The following AUTS2 variants were observed in gnomAD, a reference collection of about 807,000 sequenced individuals.
The protein encoded by AUTS2 is activator of transcription and developmental regulator AUTS2, also known as autism susceptibility gene 2 protein.
Under a neutral mutation model 112.4 loss-of-function variants are expected in AUTS2, and 17 were observed. The observed-to-expected ratio is 0.15, with a 90% confidence interval of 0.10 to 0.23. The LOEUF is 0.23. AUTS2 is among the 10% of genes least tolerant of loss of function. The pLI is 1.00. For missense variants in AUTS2, 1,510 were observed against 1,701.6 expected (o/e 0.89, Z 1.98); for synonymous variants, 751 against 702.7 (o/e 1.07, Z -1.09).
intron 3 of AUTS2, among the ~76,000 whole-genome samples, chr7:70,130,507 G>A (rs1247061746): frequency 6.6e-6 from 1 of 152,144 alleles, no homozygotes; most frequent in East Asian, 1.9e-4. Context: ...TTGAATGTCA[G>A]CAGCAACATT....
chr7:70,265,608 G>A (rs927024455), intron 4 of AUTS2, among the ~76,000 whole-genome samples: 4 of 152,114 alleles, frequency 2.6e-5, no homozygotes, highest in Non-Finnish European at 4.4e-5. Context: ...ATCTATAGTA[G>A]GACTGTTGAG....
At chr7:69,806,197 C>CTT (rs56704400) in intron 1 of AUTS2, among the ~76,000 whole-genome samples, 1,215 of 54,992 alleles carry the variant, frequency 0.022, 62 homozygotes, top group Non-Finnish European at 0.032. Flanking sequence ...CCAGCCAAGG[C>CTT]TTTTTTTTTT....
At position 70,781,661 on chromosome 7, in the gene AUTS2, C is replaced by G; in HGVS notation, c.2051C>G (p.Pro684Arg). 6.2e-7 allele frequency: 1 copy of G among 1,614,168 alleles called. No homozygotes were observed. Among genetic ancestry groups the G allele is most frequent in the Non-Finnish European group, 8.5e-7 (1 of 1,180,022 alleles). Residue 684 changes from proline (P) to arginine (R), a missense_variant, in exon 15 of 19, where the codon CCT becomes CGT. Physicochemically the swap from Pro to Arg is moderately radical, Grantham distance 103. Around this residue, in one of 3 missense-constraint regions of AUTS2, gnomAD observed 187 missense variants for 309.7 expected, o/e 0.60. Transcript: ENST00000342771. ...CATAAGCTGGACTTTGGACTGAAACCTGAGTTCCTGAGCCGCCCTCCAGGC... is the reference window on the plus strand; with the variant it reads ...CATAAGCTGGACTTTGGACTGAAACGTGAGTTCCTGAGCCGCCCTCCAGGC... ...DPHKLDFGLK[P>R]EFLSRPPGPS...
chr7:70,607,351 T>C (rs1394791680), intron 5 of AUTS2, among the ~76,000 whole-genome samples: 3 of 152,164 alleles, frequency 2.0e-5, no homozygotes, highest in Non-Finnish European at 4.4e-5. Flanking sequence ...CAGAATCCAT[T>C]GATGGAAAGC....
Position 70,464,044 on chromosome 7 carries a change from G to C in AUTS2, c.690+28263G>C, listed in dbSNP as rs1045123014. 3.9e-5 allele frequency among the ~76,000 whole-genome samples: 6 copies of C among 152,166 alleles called. No homozygotes were observed. In the East Asian group the frequency reaches 1.2e-3, roughly 29 times the overall value. On this transcript the variant is annotated intron_variant, in intron 5 of 18. Coordinates refer to ENST00000342771, the MANE Select transcript of AUTS2 (RefSeq NM_015570.4). ...ACCAGCCTCTTCCCAAAGGATGTGG[G>C]AGCAGGCACAGGAAAGGGGGGCCTG...
chr7:69,634,751 C>T (rs748422048), intron 1 of AUTS2, among the ~76,000 whole-genome samples: 8 of 152,146 alleles, frequency 5.3e-5, no homozygotes, highest in African/African-American at 1.2e-4. Flanking sequence ...CCATTGGAGA[C>T]GCAATTTGGC....
At chr7:70,129,490 C>G (rs1806154364) in intron 3 of AUTS2, among the ~76,000 whole-genome samples, 1 of 152,108 alleles carries the variant, frequency 6.6e-6, no homozygotes, top group Non-Finnish European at 1.5e-5. Flanking sequence ...ACCCCGTGGC[C>G]CAGTGAAGTT....
chr7:70,674,837 C>T (rs1289570431), intron 5 of AUTS2, among the ~76,000 whole-genome samples: 1 of 152,188 alleles, frequency 6.6e-6, no homozygotes, highest in Non-Finnish European at 1.5e-5. Flanking sequence ...AGATATGGAG[C>T]CTGTCTGAGT....
At chr7:70,479,769 G>A (rs1797717884) in intron 5 of AUTS2, among the ~76,000 whole-genome samples, 1 of 152,126 alleles carries the variant, frequency 6.6e-6, no homozygotes, top group African/African-American at 2.4e-5. Context: ...AAACAAAGAT[G>A]GGGGTTTGAG....
chr7:70,174,362 G>A (rs1808871209), intron 4 of AUTS2, among the ~76,000 whole-genome samples: 1 of 152,206 alleles, frequency 6.6e-6, no homozygotes, highest in Non-Finnish European at 1.5e-5. Flanking sequence ...GAGGTTTAAG[G>A]AAAGGAACTA....
At chr7:70,116,295 G>A (rs1584745557) in intron 2 of AUTS2, among the ~76,000 whole-genome samples, 2 of 152,240 alleles carry the variant, frequency 1.3e-5, no homozygotes, top group South Asian at 4.2e-4. Flanking sequence ...GTGAATTTCT[G>A]GAAAGGATGA....
intron 1 of AUTS2, among the ~76,000 whole-genome samples, chr7:69,626,322 T>A (rs1036697004): frequency 1.3e-5 from 2 of 152,198 alleles, no homozygotes; most frequent in African/African-American, 4.8e-5. Context: ...AGGTGCGATT[T>A]AATTATTATT....
At chr7:70,608,938 C>A (rs535885356) in intron 5 of AUTS2, among the ~76,000 whole-genome samples, 2 of 152,216 alleles carry the variant, frequency 1.3e-5, no homozygotes, top group South Asian at 4.1e-4. Context: ...AATTTAAATA[C>A]ATTCATTTAT....
rs1458365112 is a variant in AUTS2 at position 70,434,050 on chromosome 7, C to G, written c.661-1702C>G. Among the ~76,000 whole-genome samples, 6 of 152,100 alleles carry G rather than the reference C, an allele frequency of 3.9e-5. No homozygotes were observed. The South Asian group carries it at 1.2e-3, about 32-fold the overall frequency. On this transcript the variant is annotated intron_variant, in intron 4 of 18. Coordinates refer to ENST00000342771, the MANE Select transcript of AUTS2 (RefSeq NM_015570.4). ...TTGTTTTTGTACTGAGTCTTTTTGC[C>G]TCATTTTTGCAAGATGGCTGCTACG...
At chr7:70,466,170 C>T (rs1466914099) in intron 5 of AUTS2, among the ~76,000 whole-genome samples, 1 of 152,096 alleles carries the variant, frequency 6.6e-6, no homozygotes, top group South Asian at 2.1e-4. Context: ...CCCACCCAAA[C>T]AAGAGTCCTT....
chr7:70,527,563 T>C (rs1367658765), intron 5 of AUTS2, among the ~76,000 whole-genome samples: 1 of 151,958 alleles, frequency 6.6e-6, no homozygotes, highest in Non-Finnish European at 1.5e-5. Flanking sequence ...TAGCCGTAGA[T>C]CAAATGAAAA....
intron 4 of AUTS2, among the ~76,000 whole-genome samples, chr7:70,277,870 T>C (rs1238136068): frequency 6.6e-6 from 1 of 152,044 alleles, no homozygotes; most frequent in Admixed American, 6.6e-5. Flanking sequence ...AACTATCAAG[T>C]CAAGAATATG....
chr7:69,854,444 C>G (rs1484063448), intron 1 of AUTS2, among the ~76,000 whole-genome samples: 1 of 152,032 alleles, frequency 6.6e-6, no homozygotes, highest in Admixed American at 6.6e-5. Flanking sequence ...TCTGTTGGGA[C>G]CTAGTTTGAA....
At chr7:69,680,905 A>G (rs1308936403) in intron 1 of AUTS2, among the ~76,000 whole-genome samples, 2 of 152,174 alleles carry the variant, frequency 1.3e-5, no homozygotes, top group Non-Finnish European at 2.9e-5. Flanking sequence ...CCTGACCTCA[A>G]GTAATCCGCC....
Sources: gnomAD v4.1 joint callset for allele counts (sites outside exome capture counted in the v4.1 genomes callset) on GRCh38, gnomAD v4.1.1 for gene constraint, gnomAD v4.1.1 regional missense constraint, MANE v1.5 for transcripts, NCBI Gene and HGNC (gene_info 2026-07-23, HGNC 2026-07-21) for gene names.